Variants in XPO4 observed in about 807,000 individuals in gnomAD.
XPO4 encodes exportin 4.
In XPO4, 39 loss-of-function variants were observed where a neutral mutation model predicts 143.0. The ratio of observed to expected loss-of-function variants is 0.27; its 90% CI spans 0.21 to 0.36. The LOEUF (loss-of-function observed/expected upper bound fraction) is 0.36, where lower values mean the gene tolerates loss of function less well. Among genes scored for constraint, XPO4 ranks in the 10% least tolerant of loss-of-function variants. The probability of loss-of-function intolerance (pLI) is 1.00; values close to 1 mark genes in which losing one functional copy is unlikely to be tolerated. For missense variants in XPO4, 907 were observed against 1,348.0 expected, an observed-to-expected ratio of 0.67 and a Z score of 5.12; for synonymous variants, 439 against 474.0, an observed-to-expected ratio of 0.93 and a Z score of 0.96.
chr13:20,852,137 T>C, intron 4 of XPO4: 2 of 985,408 alleles, frequency 2.0e-6, no homozygotes, highest in Non-Finnish European at 2.4e-6. Flanking sequence ...AAATCCTGGC[T>C]GGAATGATCA....
Position 20,862,760 on chromosome 13 carries a change from A to C in XPO4, c.274T>G (p.Ser92Ala). ...TAGGTTAAAAGGAATGTTCGCAGAG[A>C]CTCGATGCTACCTTTTTCCAAGAGA... ...WILLEKGSIE[S>A]LRTFLLTYVL... Residue 92 changes from serine to alanine, a missense_variant, in exon 3 of 23, where the codon TCT becomes GCT. Physicochemically the swap from Ser to Ala is moderately conservative, Grantham distance 99 (BLOSUM62 1). Coordinates refer to ENST00000255305, the MANE Select transcript of XPO4 (RefSeq NM_022459.5). 1.2e-6 allele frequency: 2 copies of C among 1,614,152 alleles called. No homozygotes were observed. Among genetic ancestry groups the C allele is most frequent in the Non-Finnish European group, 1.7e-6 (2 of 1,180,018 alleles).
intron 18 of XPO4, among the ~76,000 whole-genome samples, chr13:20,794,619 G>C (rs2059331970): frequency 6.6e-6 from 1 of 152,194 alleles, no homozygotes; most frequent in Non-Finnish European, 1.5e-5. Context: ...TGTAATCCCA[G>C]CACTCTGGGA....
At chr13:20,875,850 T>A (rs906545379) in intron 1 of XPO4, among the ~76,000 whole-genome samples, 1 of 152,172 alleles carries the variant, frequency 6.6e-6, no homozygotes, top group Non-Finnish European at 1.5e-5. Flanking sequence ...CTCCCAAAAT[T>A]AATCTATAAC....
intron 6 of XPO4, among the ~76,000 whole-genome samples, chr13:20,828,417 A>G (rs1028543412): frequency 1.1e-4 from 17 of 152,244 alleles, no homozygotes; most frequent in African/African-American, 3.9e-4. Context: ...TATTTTGAGT[A>G]AAGTCTAAAT....
intron 1 of XPO4, chr13:20,879,223 T>C (rs1275441995): frequency 1.0e-6 from 1 of 985,016 alleles, no homozygotes; most frequent in Non-Finnish European, 1.2e-6. Flanking sequence ...AAGATATCCC[T>C]CCACATAAAG....
At chr13:20,899,246 G>T (rs2060597261) in intron 1 of XPO4, among the ~76,000 whole-genome samples, 1 of 150,750 alleles carries the variant, frequency 6.6e-6, no homozygotes, top group African/African-American at 2.4e-5. Context: ...TAAATTGATT[G>T]AATATAGATG....
intron 6 of XPO4, 68 bp from the exon 7 acceptor site, chr13:20,827,247 TATAAC>T (rs764034729): frequency 1.1e-5 from 13 of 1,130,472 alleles, no homozygotes; most frequent in Non-Finnish European, 1.6e-5. Flanking sequence ...ATATCCTAAA[TATAAC>T]AGGAGCCATC....
rs548537405 is a variant in XPO4, at chr13:20,806,848, G to A, written c.1817+609C>T. Among the ~76,000 whole-genome samples, 62 of 152,078 alleles carry A rather than the reference G, an allele frequency of 4.1e-4. No homozygotes were observed. The South Asian group carries it at 0.012, about 31-fold the overall frequency. ...TTGCAGGCGTGAGCCACTGCGCCTG[G>A]CCGGAACATTTTTAATACAGGCTTA... On this transcript the variant is annotated intron_variant, in intron 13 of 22. Transcript: ENST00000255305.
intron 6 of XPO4, among the ~76,000 whole-genome samples, chr13:20,840,409 T>C (rs910547496): frequency 6.6e-6 from 1 of 152,020 alleles, no homozygotes; most frequent in Non-Finnish European, 1.5e-5. Context: ...GGTTGTGCTA[T>C]GCTGCCCATG....
chr13:20,858,922 G>GTATATATATATATATA (rs59921874), intron 3 of XPO4, among the ~76,000 whole-genome samples: 6 of 148,798 alleles, frequency 4.0e-5, no homozygotes, highest in African/African-American at 1.5e-4. Flanking sequence ...ATGTGTGTGT[G>GTATATATATATATATA]TATATATATA....
intron 3 of XPO4, chr13:20,856,308 A>G: frequency 5.1e-6 from 5 of 984,792 alleles, no homozygotes; most frequent in Non-Finnish European, 6.0e-6. Flanking sequence ...GGAAACATAA[A>G]ATTGTAAAAC....
chr13:20,876,872 T>G (rs1370676053), intron 1 of XPO4, among the ~76,000 whole-genome samples: 1 of 152,160 alleles, frequency 6.6e-6, no homozygotes, highest in Non-Finnish European at 1.5e-5. Context: ...AGAACAAAAC[T>G]TCCACATCGT....
chr13:20,893,359 C>A (rs900690684), intron 1 of XPO4, among the ~76,000 whole-genome samples: 1 of 152,030 alleles, frequency 6.6e-6, no homozygotes, highest in African/African-American at 2.4e-5. Context: ...TCTTATGGCT[C>A]GGATACAAGG....
At chr13:20,887,404 C>T (rs1178830366) in intron 1 of XPO4, among the ~76,000 whole-genome samples, 5 of 152,118 alleles carry the variant, frequency 3.3e-5, no homozygotes, top group Non-Finnish European at 7.3e-5. Context: ...TTACACTATA[C>T]CCCACAAACG....
At position 20,803,937 on chromosome 13, in the gene XPO4, T is replaced by C. The variant is rs2059468484; in HGVS notation, c.1818-2947A>G. The stretch of plus-strand genomic sequence containing the variant: ...AGTTAAGGGAACAAATTAATAAGAT[T>C]TACTAAACAGACCCAGACTTGGGAG... On this transcript the variant is annotated intron_variant, in intron 13 of 22. Coordinates refer to ENST00000255305, the MANE Select transcript of XPO4 (RefSeq NM_022459.5). This position sits in a 1 kb window ranked among gnomAD's most constrained non-coding sequence, Gnocchi z 4.1. Among the ~76,000 whole-genome samples the C allele has an allele frequency of 6.6e-6, 1 of 152,096 alleles. No individual in the cohort carries two copies. The highest frequency in any genetic ancestry group is 1.5e-5 in the Non-Finnish European group (1 of 68,026).
At position 20,843,157 on chromosome 13, in the gene XPO4, C is replaced by A. The variant is rs149311029; in HGVS notation, c.574-109G>T. On this transcript the variant is annotated intron_variant, in intron 5 of 22. Coordinates refer to ENST00000255305, the MANE Select transcript of XPO4 (RefSeq NM_022459.5). ...ACCTTAAAATTTCCAATGGAAAACA[C>A]CATTTCCTTAAGAACGTGTTCCATT... The A allele has an allele frequency of 4.5e-6, 5 of 1,110,172 alleles. No individual in the cohort carries two copies. The Admixed American group carries it at 1.4e-4, about 30-fold the overall frequency. The allele number at this position is 1,110,172 out of a possible 1,614,324, so 68.8% of individuals were successfully genotyped here.
intron 18 of XPO4, among the ~76,000 whole-genome samples, chr13:20,795,198 G>A (rs1288324787): frequency 6.6e-6 from 1 of 151,864 alleles, no homozygotes; most frequent in African/African-American, 2.4e-5. Context: ...TAATAGGAGA[G>A]GCTAGATATG....
At chr13:20,829,754 A>C (rs975345422) in intron 6 of XPO4, among the ~76,000 whole-genome samples, 1 of 152,200 alleles carries the variant, frequency 6.6e-6, no homozygotes, top group African/African-American at 2.4e-5. Flanking sequence ...CTCCAGGTAT[A>C]ATACAGCAAG....
chr13:20,831,555 T>G (rs569117519), intron 6 of XPO4, among the ~76,000 whole-genome samples: 9 of 152,282 alleles, frequency 5.9e-5, no homozygotes, highest in African/African-American at 2.2e-4. Context: ...TTCAAGAATT[T>G]TCTTGGGCTA....
Sources: gnomAD v4.1 joint callset for allele counts (sites outside exome capture counted in the v4.1 genomes callset) on GRCh38, gnomAD v4.1.1 for gene constraint, Gnocchi (gnomAD v3.1) non-coding constraint, MANE v1.5 for transcripts, NCBI Gene and HGNC (gene_info 2026-07-23, HGNC 2026-07-21) for gene names.